The following TFE3 variants were observed in gnomAD, a reference collection of about 807,000 sequenced individuals.
TFE3 encodes transcription factor E3.
TFE3 carries 5 observed loss-of-function variants against 35.0 expected under a neutral mutation model. The ratio of observed to expected loss-of-function variants is 0.14; its 90% CI spans 0.07 to 0.30. The LOEUF is 0.30. Ranked by LOEUF, TFE3 falls within the 10% of genes least tolerant of loss-of-function variation. The probability of loss-of-function intolerance (pLI) is 1.00; values close to 1 mark genes in which losing one functional copy is unlikely to be tolerated. For missense variants in TFE3, 374 were observed against 496.6 expected (o/e 0.75, Z 2.35); for synonymous variants, 211 against 215.6 (o/e 0.98, Z 0.18).
chrX:49,035,557 C>G (rs1388195559), intron 5 of TFE3, among the ~76,000 whole-genome samples: 3 of 102,909 alleles, frequency 2.9e-5, no homozygotes, highest in Non-Finnish European at 4.0e-5. Flanking sequence ...CAGGCACCCG[C>G]CACCACGCCC....
Position 49,030,471 on chromosome X carries a change from G to A in TFE3, c.1415C>T (p.Pro472Leu). 1 of 1,211,584 alleles carries A rather than the reference G, an allele frequency of 8.3e-7. No homozygotes were observed. The highest frequency in any genetic ancestry group is 3.0e-5 in the East Asian group (1 of 33,824). The change falls in exon 10 of 10, where the codon CCA becomes CTA. Residue 472 changes from proline to leucine, a missense_variant. Pro to Leu is a moderately conservative substitution (Grantham distance 98). This residue lies in a region of TFE3 where 117 missense variants were observed against 111.9 expected (regional missense o/e 1.05). Coordinates refer to ENST00000315869, the MANE Select transcript of TFE3 (RefSeq NM_006521.6). ...EQLDIEEEGR[P>L]GAATFHVGGG... is the part of the protein sequence containing the mutation. ...CCCTACATGGAACGTTGCTGCGCCTGGCCTGCCCTCCTCCTCAATGTCCAG... is the reference window on the plus strand; with the variant it reads ...CCCTACATGGAACGTTGCTGCGCCTAGCCTGCCCTCCTCCTCAATGTCCAG...
intron 5 of TFE3, among the ~76,000 whole-genome samples, chrX:49,035,500 G>A (rs1441015675): frequency 3.4e-5 from 3 of 87,463 alleles, no homozygotes; most frequent in South Asian, 7.3e-4. Flanking sequence ...TCTGCCTCCC[G>A]GGTTCACGCC....
intron 5 of TFE3, among the ~76,000 whole-genome samples, chrX:49,036,558 A>C (rs1236855334): frequency 9.1e-6 from 1 of 110,178 alleles, no homozygotes; most frequent in African/African-American, 3.3e-5. Flanking sequence ...TAATCCCAGC[A>C]CTTTGGGAGG....
chrX:49,040,392 A>G (rs2064754250), intron 2 of TFE3, 63 bp downstream of exon 2: 1 of 918,413 alleles, frequency 1.1e-6, no homozygotes, highest in African/African-American at 1.9e-5. Context: ...GCCTCTGCCC[A>G]TCAAGAGGGG....
In TFE3 at chrX:49,029,858, G is replaced by C. The variant is rs782016022; in HGVS notation, c.*300C>G. 4 of 500,141 alleles carry C rather than the reference G, an allele frequency of 8.0e-6. No homozygotes were observed. Among genetic ancestry groups the C allele is most frequent in the Non-Finnish European group, 1.5e-5 (4 of 269,579 alleles). The allele number at this position is 500,141 out of a possible 1,213,427, so 41.2% of individuals were successfully genotyped here. A position where few individuals can be genotyped will look rare whatever the true frequency, so the allele number is the denominator to read the frequency against. On this transcript the variant is annotated 3_prime_UTR_variant, in exon 10 of 10. Coordinates refer to ENST00000315869, the MANE Select transcript of TFE3 (RefSeq NM_006521.6). ...CCTTCCCTCACCTGGGCAAGGATGA[G>C]TCCCACAGGGGCAGGGGTGAGGCTG...
At chrX:49,041,493 C>T (rs986548347) in intron 1 of TFE3, among the ~76,000 whole-genome samples, 1 of 111,871 alleles carries the variant, frequency 8.9e-6, no homozygotes, top group Non-Finnish European at 1.9e-5. Context: ...AGGCTCCCCT[C>T]GCTCCAACAG....
At chrX:49,034,615 G>A (rs1364168777) in intron 5 of TFE3, among the ~76,000 whole-genome samples, 3 of 111,826 alleles carry the variant, frequency 2.7e-5, no homozygotes, top group Non-Finnish European at 3.8e-5. Flanking sequence ...GGTCTTTGTC[G>A]GCTCTGATGG....
In TFE3 at chrX:49,029,114, C is replaced by T; in HGVS notation, c.*1044G>A. Reference sequence around the variant, plus strand: ...TCCCAGGATAGCCCCTTCCTTCATCCTCTTGCCCTACATGTTGAAAAAGAA... The same window carrying T: ...TCCCAGGATAGCCCCTTCCTTCATCTTCTTGCCCTACATGTTGAAAAAGAA... On this transcript the variant is annotated 3_prime_UTR_variant, in exon 10 of 10. Transcript: ENST00000315869. The T allele has an allele frequency of 5.7e-6, 1 of 174,098 alleles. No individual in the cohort carries two copies. Among genetic ancestry groups the T allele is most frequent in the East Asian group, 8.1e-5 (1 of 12,293 alleles). The allele number at this position is 174,098 out of a possible 1,213,427, so 14.3% of individuals were successfully genotyped here. A position where few individuals can be genotyped will look rare whatever the true frequency, so the allele number is the denominator to read the frequency against.
chrX:49,043,209 T>C lies in TFE3; in HGVS notation c.18A>G (p.Glu6=). 1 of 1,172,145 alleles carries C rather than the reference T, an allele frequency of 8.5e-7. No homozygotes were observed. Among genetic ancestry groups the C allele is most frequent in the Non-Finnish European group, 1.1e-6 (1 of 878,229 alleles). The stretch of plus-strand genomic sequence containing the variant: ...TGGCCTCTACGCCATCCCGAGCTGG[T>C]TCGGCCGCATGAGACATGACGCCCG... The part of the protein sequence containing the change: MSHAA[E]PARDGVEASA... Residue 6 remains glutamate (E), a synonymous_variant, in exon 1 of 10, where the codon GAA becomes GAG. Coordinates refer to ENST00000315869, the MANE Select transcript of TFE3 (RefSeq NM_006521.6).
chrX:49,033,423 G>A (rs1557074105), intron 8 of TFE3, 42 bp downstream of exon 8: 2 of 1,174,196 alleles, frequency 1.7e-6, no homozygotes, highest in Non-Finnish European at 2.3e-6. Context: ...TGGGACGCCT[G>A]CCCCACCTCC....
Position 49,030,445 on chromosome X carries a change from C to G in TFE3, c.1441G>C (p.Gly481Arg). 4 of 1,211,552 alleles carry G rather than the reference C, an allele frequency of 3.3e-6. No homozygotes were observed. The highest frequency in any genetic ancestry group is 4.5e-6 in the Non-Finnish European group (4 of 895,444). Residue 481 changes from glycine (G) to arginine (R), a missense_variant, in exon 10 of 10, where the codon GGG becomes CGG. Coordinates refer to ENST00000315869, the MANE Select transcript of TFE3 (RefSeq NM_006521.6). Reference protein sequence around the residue: ...RPGAATFHVGGGPAQNAPHQQ... With the variant: ...RPGAATFHVGRGPAQNAPHQQ... ...TGGGGAGCATTCTGGGCAGGTCCCCCCCCTACATGGAACGTTGCTGCGCCT... is the reference window on the plus strand; with the variant it reads ...TGGGGAGCATTCTGGGCAGGTCCCCGCCCTACATGGAACGTTGCTGCGCCT...
At chrX:49,039,463 C>A in intron 2 of TFE3, 53 bp from the exon 3 acceptor site, 1 of 1,110,756 alleles carries the variant, frequency 9.0e-7, no homozygotes, top group Admixed American at 3.1e-5. Context: ...AAGTCTCATC[C>A]CAAGCCTAAA....
rs1557074150 is a variant in TFE3, at chrX:49,033,619, G to A, written c.1061-79C>T. On this transcript the variant is annotated intron_variant, in intron 7 of 9. Coordinates refer to ENST00000315869, the MANE Select transcript of TFE3 (RefSeq NM_006521.6). ...CCAAAAATGGAAGAGACAGAAAGTA[G>A]GGAGTTGGGAGGCTGTTGCAGGGAA... The A allele has an allele frequency of 2.6e-6, 3 of 1,176,349 alleles. No homozygotes were observed. The African/African-American group carries it at 5.3e-5, about 21-fold the overall frequency.
At position 49,030,021 on chromosome X, in the gene TFE3, G is replaced by C. The variant is rs1557073398; in HGVS notation, c.*137C>G. On this transcript the variant is annotated 3_prime_UTR_variant, in exon 10 of 10. Transcript: ENST00000315869. ...CTCCTTGCCTGATTACAGGGGTGGG[G>C]CCTGATCACATCTCCTCTTCCCCCA... is the stretch of plus-strand genomic sequence containing the variant. The C allele has an allele frequency of 7.3e-6, 5 of 683,815 alleles. No individual in the cohort carries two copies. Among genetic ancestry groups the C allele is most frequent in the African/African-American group, 2.2e-5 (1 of 45,973 alleles). The allele number at this position is 683,815 out of a possible 1,213,427, so 56.4% of individuals were successfully genotyped here.
intron 5 of TFE3, among the ~76,000 whole-genome samples, chrX:49,037,231 A>G (rs1182021813): frequency 8.9e-6 from 1 of 111,868 alleles, no homozygotes; most frequent in Non-Finnish European, 1.9e-5. Flanking sequence ...TTGAACCCAG[A>G]GGCTGCAGTG....
At position 49,038,019 on chromosome X, in the gene TFE3, G is replaced by A. The variant is rs2147775628; in HGVS notation, c.876C>T (p.Leu292=). ...CATCTCAGGGCCTCACCGTGCTGGG[G>A]AGCTGCAGTCCTGTGGTGCCTCCGG... ...YLPGGTTGLQ[L]PSTLPVSGNL... The change falls in exon 5 of 10, where the codon CTC becomes CTT. Residue 292 remains leucine, a synonymous_variant. Coordinates refer to ENST00000315869, the MANE Select transcript of TFE3 (RefSeq NM_006521.6). 1 of 1,200,055 alleles carries A rather than the reference G, an allele frequency of 8.3e-7. No homozygotes were observed. Among genetic ancestry groups the A allele is most frequent in the Non-Finnish European group, 1.1e-6 (1 of 889,154 alleles).
At chrX:49,037,942 C>T in intron 5 of TFE3, 68 bp downstream of exon 5, 6 of 985,378 alleles carry the variant, frequency 6.1e-6, no homozygotes, top group South Asian at 2.1e-5. Flanking sequence ...CACAGCCAGA[C>T]TGAGTATGGT....
intron 1 of TFE3, 62 bp downstream of exon 1, chrX:49,043,049 G>A: frequency 2.0e-6 from 2 of 1,002,344 alleles, no homozygotes; most frequent in Non-Finnish European, 1.3e-6. Context: ...GGCCCCCACT[G>A]CCCCCGAGAT....
Position 49,033,556 on chromosome X carries a change from G to A in TFE3, c.1061-16C>T, listed in dbSNP as rs1354872438. 1 of 1,208,023 alleles carries A rather than the reference G, an allele frequency of 8.3e-7. No individual in the cohort carries two copies. Among genetic ancestry groups the A allele is most frequent in the Non-Finnish European group, 1.1e-6 (1 of 893,534 alleles). ...CGACGCTCAACTTTGGAGAGGGGAGGAGAGGAAGAAAGAGTGGGAGAAAGA... is the reference window on the plus strand; with the variant it reads ...CGACGCTCAACTTTGGAGAGGGGAGAAGAGGAAGAAAGAGTGGGAGAAAGA... On this transcript the variant is annotated splice_polypyrimidine_tract_variant and intron_variant, in intron 7 of 9. Coordinates refer to ENST00000315869, the MANE Select transcript of TFE3 (RefSeq NM_006521.6).
Sources: allele counts gnomAD v4.1 joint callset (sites outside exome capture counted in the v4.1 genomes callset), GRCh38; gene constraint gnomAD v4.1.1; regional missense constraint gnomAD v4.1.1; transcripts MANE v1.5; gene names NCBI Gene and HGNC (gene_info 2026-07-23, HGNC 2026-07-21).